Variants in RUNX1 observed in about 807,000 individuals in gnomAD.
RUNX1 encodes runt-related transcription factor 1.
Under a neutral mutation model 42.8 loss-of-function variants are expected in RUNX1, and 19 were observed. That is an observed-to-expected ratio of 0.44 (90% CI 0.31 to 0.65). The LOEUF (loss-of-function observed/expected upper bound fraction) is 0.65, where lower values mean the gene tolerates loss of function less well. Ranked by LOEUF, RUNX1 falls within the 30% of genes least tolerant of loss-of-function variation. The pLI is 0.07. For missense variants in RUNX1, 528 were observed against 672.0 expected, an observed-to-expected ratio of 0.79 and a Z score of 2.37; for synonymous variants, 271 against 289.4, an observed-to-expected ratio of 0.94 and a Z score of 0.64.
chr21:34,930,270 G>GTGTATGTGTATATATATATATA (rs372412304), intron 2 of RUNX1, among the ~76,000 whole-genome samples: 4 of 123,030 alleles, frequency 3.3e-5, no homozygotes, highest in African/African-American at 1.5e-4. Flanking sequence ...GTGTGTGTAT[G>GTGTATGTGTATATATATATATA]TATATATATA....
intron 2 of RUNX1, among the ~76,000 whole-genome samples, chr21:34,997,551 G>A (rs1215565666): frequency 6.6e-6 from 1 of 152,212 alleles, no homozygotes; most frequent in African/African-American, 2.4e-5. Flanking sequence ...TGGTAAAGTA[G>A]TCTTGGCACT....
chr21:35,027,987 TA>T (rs1205108146), intron 2 of RUNX1, among the ~76,000 whole-genome samples: 1 of 152,192 alleles, frequency 6.6e-6, no homozygotes, highest in Non-Finnish European at 1.5e-5. Flanking sequence ...ACTGAGAGAC[TA>T]GACTAAGAAA....
intron 2 of RUNX1, among the ~76,000 whole-genome samples, chr21:35,019,765 G>A (rs535072480): frequency 3.9e-5 from 6 of 152,170 alleles, no homozygotes; most frequent in Non-Finnish European, 5.9e-5. Context: ...CAAACCTGCC[G>A]AAGCCAAGTC....
chr21:34,820,867 C>T (rs1446625258), intron 7 of RUNX1, among the ~76,000 whole-genome samples: 2 of 152,114 alleles, frequency 1.3e-5, no homozygotes, highest in East Asian at 1.9e-4. Context: ...GAGGCAGACC[C>T]GAACCAGCCA....
intron 2 of RUNX1, among the ~76,000 whole-genome samples, chr21:34,928,568 C>A (rs2058414137): frequency 6.6e-6 from 1 of 151,838 alleles, no homozygotes; most frequent in Non-Finnish European, 1.5e-5. Flanking sequence ...GTGGTGCATG[C>A]CTGTAAGGAG....
intron 2 of RUNX1, among the ~76,000 whole-genome samples, chr21:35,046,984 G>C (rs1443800997): frequency 6.6e-6 from 1 of 152,070 alleles, no homozygotes; most frequent in Admixed American, 6.5e-5. Flanking sequence ...CCCTGGGCTT[G>C]TCCGGGAGAT....
At chr21:34,832,283 G>C (rs1183603779) in intron 7 of RUNX1, among the ~76,000 whole-genome samples, 3 of 152,096 alleles carry the variant, frequency 2.0e-5, no homozygotes, top group African/African-American at 7.2e-5. Flanking sequence ...AACTCAATGT[G>C]CAACTTCCCC....
intron 2 of RUNX1, among the ~76,000 whole-genome samples, chr21:34,937,020 T>G (rs1434664101): frequency 6.6e-6 from 1 of 152,090 alleles, no homozygotes; most frequent in Non-Finnish European, 1.5e-5. Context: ...AAGGATTCTA[T>G]TGTATGACTG....
chr21:34,973,537 T>C (rs1402758865), intron 2 of RUNX1, among the ~76,000 whole-genome samples: 1 of 152,246 alleles, frequency 6.6e-6, no homozygotes, highest in Non-Finnish European at 1.5e-5. Flanking sequence ...ACTTTGCATG[T>C]ATTGATATAA....
chr21:34,887,243 G>T (rs1325925876), intron 3 of RUNX1, 147 bp from the exon 4 acceptor site: 5 of 767,618 alleles, frequency 6.5e-6, no homozygotes, highest in Admixed American at 3.3e-5. Flanking sequence ...TGCGGGGGGT[G>T]GGGGGGGGCG....
chr21:34,980,399 C>T (rs971671998), intron 2 of RUNX1, among the ~76,000 whole-genome samples: 1 of 152,192 alleles, frequency 6.6e-6, no homozygotes, highest in East Asian at 1.9e-4. Context: ...ATGGGGTATT[C>T]TGCCTGTGAA....
intron 6 of RUNX1, among the ~76,000 whole-genome samples, chr21:34,857,551 C>G (rs530142205): frequency 6.6e-6 from 1 of 152,190 alleles, no homozygotes; most frequent in Non-Finnish European, 1.5e-5. Context: ...TCAGGCTGGT[C>G]GGCATTTCAA....
chr21:35,032,291 G>C (rs930928081), intron 2 of RUNX1, among the ~76,000 whole-genome samples: 1 of 152,176 alleles, frequency 6.6e-6, no homozygotes, highest in African/African-American at 2.4e-5. Context: ...CTGAAGTGTC[G>C]CTGAAATAGG....
intron 6 of RUNX1, among the ~76,000 whole-genome samples, chr21:34,849,234 A>G (rs1385544281): frequency 4.0e-5 from 4 of 98,970 alleles, no homozygotes; most frequent in Non-Finnish European, 7.7e-5. Context: ...GCAAACAGAA[A>G]AGAACTTTGC....
In RUNX1 at chr21:34,791,890, C is replaced by A. The variant is rs2056440124; in HGVS notation, c.*245G>T. The A allele has an allele frequency of 3.7e-6, 1 of 273,432 alleles. No homozygotes were observed. The highest frequency in any genetic ancestry group is 7.0e-6 in the Non-Finnish European group (1 of 142,022). 16.9% of individuals were successfully genotyped at this position (273,432 alleles called of 1,614,324 possible). A position where few individuals can be genotyped will look rare whatever the true frequency, so the allele number is the denominator to read the frequency against. ...GGGGCCGGCGGACACCCTCGAGGTG[C>A]GTCGCCTCGGACACCTCCGCGAGGG... On this transcript the variant is annotated 3_prime_UTR_variant, in exon 9 of 9. Transcript: ENST00000675419.
chr21:34,802,981 G>A (rs1166051935), intron 7 of RUNX1, among the ~76,000 whole-genome samples: 1 of 152,204 alleles, frequency 6.6e-6, no homozygotes, highest in African/African-American at 2.4e-5. Context: ...TAACCTTTAT[G>A]ATTGTATTAC....
intron 6 of RUNX1, among the ~76,000 whole-genome samples, chr21:34,854,064 T>C (rs1257119966): frequency 2.0e-5 from 3 of 152,318 alleles, no homozygotes; most frequent in African/African-American, 7.2e-5. Context: ...GCCGCCCGCA[T>C]TGGCCTCCCA....
chr21:35,045,179 TTAGA>T (rs1362997624), intron 2 of RUNX1, among the ~76,000 whole-genome samples: 2 of 151,660 alleles, frequency 1.3e-5, no homozygotes, highest in South Asian at 2.1e-4. Context: ...GATTGTGAGT[TTAGA>T]TAGTTTTATC....
At chr21:34,794,958 A>G (rs1025647061) in intron 8 of RUNX1, among the ~76,000 whole-genome samples, 6 of 152,216 alleles carry the variant, frequency 3.9e-5, no homozygotes, top group Admixed American at 6.5e-5. Context: ...CCCAGCTGAG[A>G]ACCACCACTG....
Sources: gnomAD v4.1 joint callset for allele counts (sites outside exome capture counted in the v4.1 genomes callset) on GRCh38, gnomAD v4.1.1 for gene constraint, MANE v1.5 for transcripts, NCBI Gene and HGNC (gene_info 2026-07-23, HGNC 2026-07-21) for gene names.